BLM: variants seen among roughly 807,000 people sequenced by gnomAD.
The protein encoded by BLM is recQ-like DNA helicase BLM.
In BLM, 95 loss-of-function variants were observed where a neutral mutation model predicts 135.3. The ratio of observed to expected loss-of-function variants is 0.70; its 90% CI spans 0.59 to 0.83. BLM has a LOEUF of 0.83. BLM is among the 40% of genes least tolerant of loss of function. BLM has a pLI of 0.00. For synonymous variants in BLM, 520 were observed against 589.2 expected (o/e 0.88, Z 1.70); for missense variants, 1,518 against 1,663.9 (o/e 0.91, Z 1.53).
intron 1 of BLM, among the ~76,000 whole-genome samples, chr15:90,743,741 G>A (rs903417096): frequency 3.2e-4 from 48 of 152,308 alleles, no homozygotes; most frequent in African/African-American, 1.1e-3. Context: ...TTTTGATGGA[G>A]TATGTACAGA....
At chr15:90,721,735 A>T (rs1003791293) in intron 1 of BLM, among the ~76,000 whole-genome samples, 3 of 151,618 alleles carry the variant, frequency 2.0e-5, no homozygotes, top group Admixed American at 1.3e-4. Flanking sequence ...GTTCGAGACC[A>T]GTGTGGCCAA....
At chr15:90,798,547 A>G (rs985314792) in intron 17 of BLM, among the ~76,000 whole-genome samples, 7 of 152,238 alleles carry the variant, frequency 4.6e-5, no homozygotes, top group South Asian at 2.1e-4. Flanking sequence ...ACATACAAAG[A>G]AGAAAATAAT....
At chr15:90,752,206 C>G (rs1414213843) in intron 4 of BLM, among the ~76,000 whole-genome samples, 1 of 149,144 alleles carries the variant, frequency 6.7e-6, no homozygotes, top group Admixed American at 6.7e-5. Context: ...GAGACAGTCT[C>G]GCTCTGTCAC....
At chr15:90,731,178 ATCC>A (rs1895059547) in intron 1 of BLM, among the ~76,000 whole-genome samples, 1 of 152,042 alleles carries the variant, frequency 6.6e-6, no homozygotes, top group African/African-American at 2.4e-5. Context: ...GGCTCAAGCA[ATCC>A]TCCTGCCTTG....
rs759934623 is a variant in BLM, at chr15:90,769,216, A to G, written c.2391A>G (p.Ala797=). 1 of 1,611,028 alleles carries G rather than the reference A, an allele frequency of 6.2e-7. No individual in the cohort carries two copies. Among genetic ancestry groups the G allele is most frequent in the Non-Finnish European group, 8.5e-7 (1 of 1,177,108 alleles). ...TGGCACGTTTTGTTATTGATGAAGC[A>G]CATTGTGTCAGTCAGGTAAATACTG... is the stretch of plus-strand genomic sequence containing the variant. ...KLLARFVIDE[A]HCVSQWGHDF... The change falls in exon 11 of 22, where the codon GCA becomes GCG. Residue 797 remains alanine (A), a synonymous_variant. Transcript: ENST00000355112.
chr15:90,771,663 A>T (rs1311135147), intron 12 of BLM, among the ~76,000 whole-genome samples: 1 of 148,760 alleles, frequency 6.7e-6, no homozygotes, highest in African/African-American at 2.5e-5. Context: ...CTGGTCTCGA[A>T]CTCCTGGGCT....
intron 1 of BLM, among the ~76,000 whole-genome samples, chr15:90,722,162 T>G (rs951758484): frequency 3.3e-5 from 5 of 151,526 alleles, no homozygotes; most frequent in Non-Finnish European, 7.4e-5. Flanking sequence ...CAGTCTGGAG[T>G]GCAGTGGCGC....
chr15:90,760,327 C>T (rs1242647271), intron 6 of BLM, 48 bp downstream of exon 6: 2 of 1,610,174 alleles, frequency 1.2e-6, no homozygotes, highest in African/African-American at 1.3e-5. Flanking sequence ...ATATTTCTAC[C>T]ACTCTAAGTG....
At chr15:90,805,257 CTATGTATGT>C (rs61240229) in intron 19 of BLM, among the ~76,000 whole-genome samples, 57,831 of 150,920 alleles carry the variant, frequency 0.38, 12,180 homozygotes, top group East Asian at 0.55. Context: ...TAATGGTACC[CTATGTATGT>C]TATATATGGT....
At chr15:90,780,299 G>A (rs1896587583) in intron 12 of BLM, among the ~76,000 whole-genome samples, 1 of 152,118 alleles carries the variant, frequency 6.6e-6, no homozygotes, top group African/African-American at 2.4e-5. Flanking sequence ...TGGTTAGGCT[G>A]GTTTCAAACT....
chr15:90,808,516 C>T (rs1897329884), intron 19 of BLM, among the ~76,000 whole-genome samples: 1 of 152,208 alleles, frequency 6.6e-6, no homozygotes, highest in Admixed American at 6.5e-5. Flanking sequence ...CTACTCTTTC[C>T]TTTACAGTCA....
chr15:90,804,416 C>A, intron 19 of BLM, 57 bp downstream of exon 19: 1 of 1,518,922 alleles, frequency 6.6e-7, no homozygotes, highest in Non-Finnish European at 9.1e-7. Context: ...GAAAGTTAAT[C>A]TTGCTAGGGA....
chr15:90,760,861 A>G lies in BLM; in HGVS notation c.1488A>G (p.Leu496=), dbSNP rs1389802691. The G allele has an allele frequency of 6.2e-7, 1 of 1,614,094 alleles. No individual in the cohort carries two copies. Among genetic ancestry groups the G allele is most frequent in the South Asian group, 1.1e-5 (1 of 91,084 alleles). ...LFERPLFNTH[L]QKSFVSSNWA... is the part of the protein sequence containing the mutation. ...AAAGGCCTTTATTCAATACCCATTT[A>G]CAGAAGTCCTTTGTAAGTAGCAACT... Residue 496 remains leucine, a synonymous_variant, in exon 7 of 22, where the codon TTA becomes TTG. Coordinates refer to ENST00000355112, the MANE Select transcript of BLM (RefSeq NM_000057.4).
chr15:90,784,841 A>G, intron 13 of BLM, 80 bp from the exon 14 acceptor site: 3 of 1,440,462 alleles, frequency 2.1e-6, no homozygotes, highest in Non-Finnish European at 2.9e-6. Flanking sequence ...TGGTTCATAT[A>G]TTTCTGAAAA....
chr15:90,759,976 G>A, intron 5 of BLM, 171 bp from the exon 6 acceptor site: 2 of 345,714 alleles, frequency 5.8e-6, no homozygotes, highest in Non-Finnish European at 1.0e-5. Context: ...TTTTTTTAGT[G>A]ACAGGGTCTC....
At chr15:90,805,944 G>A (rs1274790899) in intron 19 of BLM, among the ~76,000 whole-genome samples, 3 of 151,806 alleles carry the variant, frequency 2.0e-5, no homozygotes, top group Non-Finnish European at 4.4e-5. Context: ...CCGCCTCCTG[G>A]GTTCAAACGA....
intron 1 of BLM, among the ~76,000 whole-genome samples, chr15:90,745,743 G>A (rs1018417741): frequency 1.3e-5 from 2 of 152,238 alleles, no homozygotes; most frequent in Middle Eastern, 3.4e-3. Flanking sequence ...TGAAGTATGG[G>A]CTTTTAGTGT....
chr15:90,799,296 G>C (rs1173532532), intron 17 of BLM, among the ~76,000 whole-genome samples: 1 of 151,978 alleles, frequency 6.6e-6, no homozygotes, highest in Non-Finnish European at 1.5e-5. Context: ...GTCTTAAAGA[G>C]TTTTTAAAAT....
At chr15:90,770,405 T>G (rs1184042205) in intron 12 of BLM, among the ~76,000 whole-genome samples, 1 of 152,162 alleles carries the variant, frequency 6.6e-6, no homozygotes, top group Non-Finnish European at 1.5e-5. Flanking sequence ...CTCGATCTCC[T>G]GACCTCGTGA....
Sources: allele counts gnomAD v4.1 joint callset (sites outside exome capture counted in the v4.1 genomes callset), GRCh38; gene constraint gnomAD v4.1.1; transcripts MANE v1.5; gene names NCBI Gene and HGNC (gene_info 2026-07-23, HGNC 2026-07-21).